USP49: variants seen among roughly 807,000 people sequenced by gnomAD.
The protein encoded by USP49 is ubiquitin carboxyl-terminal hydrolase 49.
A neutral mutation model predicts 58.6 loss-of-function variants in USP49; 24 were observed. That is an observed-to-expected ratio of 0.41 (90% CI 0.30 to 0.58). USP49 has a LOEUF of 0.58. Among genes scored for constraint, USP49 ranks in the 20% least tolerant of loss-of-function variants. The probability of loss-of-function intolerance (pLI) is 0.30; values close to 1 mark genes in which losing one functional copy is unlikely to be tolerated. For missense variants in USP49, 703 were observed against 866.1 expected, an observed-to-expected ratio of 0.81 and a Z score of 2.36; for synonymous variants, 408 against 365.1, an observed-to-expected ratio of 1.12 and a Z score of -1.34.
At chr6:41,851,952 C>CAAAAAAAAA (rs67716441) in intron 3 of USP49, among the ~76,000 whole-genome samples, 77 of 54,774 alleles carry the variant, frequency 1.4e-3, no homozygotes, top group Non-Finnish European at 1.8e-3. Flanking sequence ...AGACTCGTCT[C>CAAAAAAAAA]AAAAAAAAAA....
Position 41,852,048 on chromosome 6 carries a change from C to T in USP49, c.-29+19516G>A, listed in dbSNP as rs192350878. Among the ~76,000 whole-genome samples, 590 of 150,284 alleles carry T rather than the reference C, an allele frequency of 3.9e-3. 3 individuals are homozygous for T. Among genetic ancestry groups the T allele is most frequent in the African/African-American group, 0.014 (570 of 40,888 alleles). ...TATATAGAAAATCCTGGGCCGGGCA[C>T]GGTGGCTCACACCTGTGCTGTAATC... is the stretch of plus-strand genomic sequence containing the variant. On this transcript the variant is annotated intron_variant, in intron 3 of 7. Transcript: ENST00000682992.
intron 2 of USP49, among the ~76,000 whole-genome samples, chr6:41,872,436 G>A (rs755984352): frequency 6.6e-6 from 1 of 152,200 alleles, no homozygotes; most frequent in Non-Finnish European, 1.5e-5. Flanking sequence ...TCTGGGAAGT[G>A]AGGAGTGCCT....
chr6:41,878,371 CT>C (rs1342412340), intron 2 of USP49, among the ~76,000 whole-genome samples: 1 of 152,100 alleles, frequency 6.6e-6, no homozygotes, highest in Non-Finnish European at 1.5e-5. Flanking sequence ...GACATACGAT[CT>C]TAGCCAGATT....
intron 3 of USP49, among the ~76,000 whole-genome samples, 178 bp downstream of exon 3, chr6:41,871,386 G>A (rs1023302266): frequency 2.6e-5 from 4 of 151,992 alleles, no homozygotes; most frequent in African/African-American, 7.3e-5. Flanking sequence ...AAGTTAATTC[G>A]TGGTACTAAA....
chr6:41,839,406 A>G (rs868357018), intron 3 of USP49, among the ~76,000 whole-genome samples: 3 of 67,646 alleles, frequency 4.4e-5, no homozygotes, highest in Admixed American at 1.8e-4. Context: ...CCTTGTCTCA[A>G]AAAAAAAAAA....
At chr6:41,834,424 T>C (rs753542745) in intron 3 of USP49, among the ~76,000 whole-genome samples, 2 of 152,208 alleles carry the variant, frequency 1.3e-5, no homozygotes, top group African/African-American at 2.4e-5. Context: ...ATTTTATATA[T>C]GAGGATCTTG....
intron 3 of USP49, among the ~76,000 whole-genome samples, chr6:41,867,075 G>A (rs1413190186): frequency 6.6e-6 from 1 of 152,118 alleles, no homozygotes; most frequent in African/African-American, 2.4e-5. Flanking sequence ...TTTAACTGTC[G>A]CTTACGCTGT....
intron 3 of USP49, among the ~76,000 whole-genome samples, chr6:41,823,627 G>A (rs1773487754): frequency 6.6e-6 from 1 of 152,042 alleles, no homozygotes; most frequent in Non-Finnish European, 1.5e-5. Context: ...ATCAACCAAG[G>A]TACCAAGGTA....
chr6:41,807,743 T>C (rs1380663060), intron 3 of USP49, among the ~76,000 whole-genome samples: 1 of 148,286 alleles, frequency 6.7e-6, no homozygotes, highest in Admixed American at 6.8e-5. Flanking sequence ...TGCACAGCCG[T>C]ATATGTGTTT....
In USP49 at chr6:41,850,897, G is replaced by A. The variant is rs565294651; in HGVS notation, c.-29+20667C>T. Among the ~76,000 whole-genome samples, 3 of 151,948 alleles carry A rather than the reference G, an allele frequency of 2.0e-5. No homozygotes were observed. In the South Asian group the frequency reaches 6.3e-4, roughly 32 times the overall value. ...ATTACAGGCGTAAGCCACCGCGCCT[G>A]GCCATGGATAAATTCTTAGAAACAC... On this transcript the variant is annotated intron_variant, in intron 3 of 7. Transcript: ENST00000682992.
rs796355060 is a variant in USP49 at position 41,790,707 on chromosome 6, AAAT to A, written c.*5823_*5825del. ...TAGTCTTTCCTGACCTTGCTGGCAT[AAAT>A]ATTAAGAAAATTGTTTGAGAATTAG... On this transcript the variant is annotated 3_prime_UTR_variant, in exon 8 of 8. Transcript: ENST00000682992. 4.6e-5 allele frequency: 7 copies of A among 152,314 alleles called. No individual in the cohort carries two copies. The highest frequency in any genetic ancestry group is 1.7e-4 in the African/African-American group (7 of 41,564). The allele number at this position is 152,314 out of a possible 1,614,324, so 9.4% of individuals were successfully genotyped here. A position where few individuals can be genotyped will look rare whatever the true frequency, so the allele number is the denominator to read the frequency against.
At chr6:41,872,091 A>G (rs1378642366) in intron 2 of USP49, among the ~76,000 whole-genome samples, 1 of 152,256 alleles carries the variant, frequency 6.6e-6, no homozygotes, top group Admixed American at 6.5e-5. Context: ...TTTATGACCT[A>G]TATGTAAGCG....
intron 2 of USP49, among the ~76,000 whole-genome samples, chr6:41,879,424 C>T (rs556041867): frequency 1.4e-4 from 21 of 151,752 alleles, no homozygotes; most frequent in East Asian, 3.9e-4. Context: ...TATGTAGAGA[C>T]GGAGGGTCTT....
At chr6:41,854,974 A>G (rs1243505197) in intron 3 of USP49, among the ~76,000 whole-genome samples, 2 of 151,978 alleles carry the variant, frequency 1.3e-5, no homozygotes, top group East Asian at 3.9e-4. Flanking sequence ...GGGTTTCGCT[A>G]CGTTGGCCAG....
intron 3 of USP49, among the ~76,000 whole-genome samples, chr6:41,866,113 G>C (rs950573895): frequency 6.6e-6 from 1 of 151,524 alleles, no homozygotes; most frequent in Non-Finnish European, 1.5e-5. Flanking sequence ...GTAGAGACAG[G>C]GTTTCACCGT....
intron 2 of USP49, among the ~76,000 whole-genome samples, chr6:41,881,288 CA>C (rs57022965): frequency 6.9e-4 from 14 of 20,380 alleles, no homozygotes; most frequent in African/African-American, 2.5e-3. Flanking sequence ...CATTAAATAC[CA>C]AAAAAAAAAA....
chr6:41,821,101 T>C (rs561310194), intron 3 of USP49, among the ~76,000 whole-genome samples: 12 of 152,268 alleles, frequency 7.9e-5, no homozygotes, highest in Middle Eastern at 3.4e-3. Context: ...ATACAAGCTA[T>C]TCACAAATTA....
rs375115890 is a variant in USP49 at position 41,852,441 on chromosome 6, A to T, written c.-29+19123T>A. The stretch of plus-strand genomic sequence containing the variant: ...ATGCAAAAATCTGCTGTATTTATAT[A>T]CACTAACAATGAACAATTCAAAAGG... On this transcript the variant is annotated intron_variant, in intron 3 of 7. Transcript: ENST00000682992. Among the ~76,000 whole-genome samples the T allele has an allele frequency of 3.3e-5, 5 of 152,268 alleles. No individual in the cohort carries two copies. The East Asian group carries it at 9.6e-4, about 29-fold the overall frequency.
chr6:41,890,626 G>A (rs917756936), intron 2 of USP49, among the ~76,000 whole-genome samples: 29 of 152,066 alleles, frequency 1.9e-4, no homozygotes, highest in Admixed American at 1.4e-3. Flanking sequence ...GTGAGCTGAC[G>A]TGGCGCCACT....
Sources: gnomAD v4.1 joint callset for allele counts (sites outside exome capture counted in the v4.1 genomes callset) on GRCh38, gnomAD v4.1.1 for gene constraint, MANE v1.5 for transcripts, NCBI Gene and HGNC (gene_info 2026-07-23, HGNC 2026-07-21) for gene names.